Variants in EME1 observed in about 807,000 individuals in gnomAD.
The protein encoded by EME1 is structure-specific endonuclease subunit EME1.
Under a neutral mutation model 59.1 loss-of-function variants are expected in EME1, and 61 were observed. The ratio of observed to expected loss-of-function variants is 1.03; its 90% CI spans 0.84 to 1.28. EME1 has a LOEUF of 1.28. EME1 is among the 50% of genes most tolerant of loss of function. EME1 has a pLI of 0.00. For synonymous variants in EME1, 230 were observed against 254.2 expected (o/e 0.90, Z 0.90); for missense variants, 635 against 682.6 (o/e 0.93, Z 0.78).
At position 50,380,325 on chromosome 17, in the gene EME1, G is replaced by C. The variant is rs139232217; in HGVS notation, c.1360G>C (p.Glu454Gln). 2.4e-5 allele frequency: 38 copies of C among 1,609,574 alleles called. No individual in the cohort carries two copies. The highest frequency in any genetic ancestry group is 3.1e-5 in the Non-Finnish European group (37 of 1,177,870). ...ACGCTGTTGCAGGAAGCTCCGAGAT[G>C]AAACTACCTTCTCCTTCTGTCTGGA... is the stretch of plus-strand genomic sequence containing the variant. ...AEAPFKKLRD[E>Q]TTFSFCLESD... Residue 454 changes from glutamate (E) to glutamine (Q), a missense_variant, in exon 8 of 9, where the codon GAA becomes CAA. Glu to Gln is a conservative substitution (Grantham distance 29). Transcript: ENST00000338165.
In EME1 at chr17:50,380,359, G is replaced by A; in HGVS notation, c.1394G>A (p.Trp465Ter). The change falls in exon 8 of 9, where the codon TGG (tryptophan) becomes TAG (stop). Residue 465 changes from tryptophan to a stop codon, truncating the protein, a stop_gained. Coordinates refer to ENST00000338165, the MANE Select transcript of EME1 (RefSeq NM_152463.4). LOFTEE classifies it high-confidence loss of function. ...TTCTCCTTCTGTCTGGAGAGTGACT[G>A]GGCTGGAGGGGTGAAGGTGGACCTT... ...TTFSFCLESDWAGGVKVDLAG... is the reference protein window; with the variant it reads ...TTFSFCLESD 6.2e-7 allele frequency: 1 copy of A among 1,613,774 alleles called. No individual in the cohort carries two copies. Among genetic ancestry groups the A allele is most frequent in the East Asian group, 2.2e-5 (1 of 44,868 alleles).
At position 50,379,102 on chromosome 17, in the gene EME1, A is replaced by T. The variant is rs777382961; in HGVS notation, c.1113-5A>T. The T allele has an allele frequency of 1.2e-6, 2 of 1,614,086 alleles. No individual in the cohort carries two copies. On this transcript the variant is annotated splice_region_variant and splice_polypyrimidine_tract_variant and intron_variant, in intron 5 of 8. Transcript: ENST00000338165. Reference sequence around the variant, plus strand: ...GCTGTTCTTTGATTTCCTCCCCTGCACCAGTGCTCAGAATCCTCCAAGAAG... The same window carrying T: ...GCTGTTCTTTGATTTCCTCCCCTGCTCCAGTGCTCAGAATCCTCCAAGAAG...
At chr17:50,374,541 T>C (rs1306122877) in intron 1 of EME1, among the ~76,000 whole-genome samples, 2 of 152,058 alleles carry the variant, frequency 1.3e-5, no homozygotes, top group African/African-American at 4.8e-5. Context: ...GCCCAGCCTA[T>C]ATCTCAATTT....
At chr17:50,374,199 GGAT>G (rs747197248) in intron 1 of EME1, among the ~76,000 whole-genome samples, 10 of 152,078 alleles carry the variant, frequency 6.6e-5, no homozygotes, top group Non-Finnish European at 1.0e-4. Context: ...ACTTTTAAAA[GGAT>G]ATTATGCTGT....
At chr17:50,376,832 C>T (rs1913497327) in intron 3 of EME1, among the ~76,000 whole-genome samples, 1 of 152,198 alleles carries the variant, frequency 6.6e-6, no homozygotes, top group African/African-American at 2.4e-5. Flanking sequence ...CCCACTAGTC[C>T]TCTCCTCGGG....
intron 6 of EME1, 75 bp from the exon 7 acceptor site, chr17:50,379,377 T>A (rs1567817218): frequency 6.3e-6 from 10 of 1,588,298 alleles, no homozygotes; most frequent in Non-Finnish European, 8.6e-6. Flanking sequence ...GGCTGGGGTG[T>A]GGCTTTAGTG....
chr17:50,374,303 T>A (rs1913330184), intron 1 of EME1, among the ~76,000 whole-genome samples: 1 of 152,154 alleles, frequency 6.6e-6, no homozygotes, highest in African/African-American at 2.4e-5. Flanking sequence ...AGTCGTACAA[T>A]CACAGCTCAC....
chr17:50,378,746 T>G, intron 4 of EME1, 28 bp from the exon 5 acceptor site: 1 of 1,614,158 alleles, frequency 6.2e-7, no homozygotes, highest in Non-Finnish European at 8.5e-7. Flanking sequence ...GAAGCAAGTA[T>G]TAATGCAGTT....
chr17:50,374,084 A>C (rs1281938549), intron 1 of EME1, among the ~76,000 whole-genome samples: 2 of 152,174 alleles, frequency 1.3e-5, no homozygotes, highest in African/African-American at 2.4e-5. Flanking sequence ...GGAGGGAGGG[A>C]AAGGACAGTG....
chr17:50,373,247 G>T lies in EME1; in HGVS notation c.-55G>T. 1 of 1,597,342 alleles carries T rather than the reference G, an allele frequency of 6.3e-7. No homozygotes were observed. Among genetic ancestry groups the T allele is most frequent in the Non-Finnish European group, 8.5e-7 (1 of 1,170,922 alleles). On this transcript the variant is annotated 5_prime_UTR_variant, in exon 1 of 9. Transcript: ENST00000338165. ...GAGATCTACTTCCGGGCCCTGCGTG[G>T]CAGTTGAAAGAGTGGCGGGAGAAGT...
At chr17:50,376,973 C>G (rs1913505235) in intron 3 of EME1, among the ~76,000 whole-genome samples, 1 of 152,170 alleles carries the variant, frequency 6.6e-6, no homozygotes, top group African/African-American at 2.4e-5. Flanking sequence ...TGGTCTTCAA[C>G]TCCTGAGCTC....
chr17:50,380,645 T>C, intron 8 of EME1, 118 bp from the exon 9 acceptor site: 4 of 1,541,870 alleles, frequency 2.6e-6, no homozygotes, highest in East Asian at 2.3e-5. Flanking sequence ...TTGCTAATGC[T>C]GACCCAGGGA....
chr17:50,377,261 T>G (rs1303289543), intron 3 of EME1, among the ~76,000 whole-genome samples: 1 of 152,124 alleles, frequency 6.6e-6, no homozygotes. Context: ...CTCTTGTGTT[T>G]CCATCAGTCA....
chr17:50,379,255 G>A lies in EME1; in HGVS notation c.1230+31G>A, dbSNP rs558915362. 20 of 1,613,188 alleles carry A rather than the reference G, an allele frequency of 1.2e-5. No individual in the cohort carries two copies. In the African/African-American group the frequency reaches 1.6e-4, roughly 13 times the overall value. On this transcript the variant is annotated intron_variant, in intron 6 of 8. Transcript: ENST00000338165. The stretch of plus-strand genomic sequence containing the variant: ...AACGTCCTGTTGCCTGAATCGGGCT[G>A]GGTACTCACTGGTCACCTGAGACTT...
In EME1 at chr17:50,380,516, G is replaced by C. The variant is rs1175163845; in HGVS notation, c.1536+15G>C. The C allele has an allele frequency of 6.2e-7, 1 of 1,610,692 alleles. No individual in the cohort carries two copies. The highest frequency in any genetic ancestry group is 1.3e-5 in the African/African-American group (1 of 74,966). On this transcript the variant is annotated intron_variant, in intron 8 of 8. Transcript: ENST00000338165. ...TCCTGGTACAGGTATGCTGCTCCAG[G>C]GCTCAGGGGTCACTGCCCATTGCCT...
intron 8 of EME1, 28 bp downstream of exon 8, chr17:50,380,529 C>T: frequency 6.2e-7 from 1 of 1,607,634 alleles, no homozygotes; most frequent in Non-Finnish European, 8.5e-7. Context: ...TCAGGGGTCA[C>T]TGCCCATTGC....
intron 1 of EME1, 38 bp downstream of exon 1, chr17:50,373,315 G>T: frequency 8.9e-7 from 1 of 1,129,154 alleles, no homozygotes; most frequent in Non-Finnish European, 1.3e-6. Flanking sequence ...GATTGGGCAG[G>T]GCTTCCCTCC....
intron 8 of EME1, 44 bp from the exon 9 acceptor site, chr17:50,380,719 C>T: frequency 6.2e-7 from 1 of 1,610,292 alleles, no homozygotes; most frequent in Non-Finnish European, 8.5e-7. Flanking sequence ...GAGAAGGGAT[C>T]ACCATGGATG....
At position 50,380,338 on chromosome 17, in the gene EME1, C is replaced by A. The variant is rs766087781; in HGVS notation, c.1373C>A (p.Ser458Tyr). The change falls in exon 8 of 9, where the codon TCC becomes TAC. Residue 458 changes from serine to tyrosine, a missense_variant. Coordinates refer to ENST00000338165, the MANE Select transcript of EME1 (RefSeq NM_152463.4). Reference sequence around the variant, plus strand: ...AAGCTCCGAGATGAAACTACCTTCTCCTTCTGTCTGGAGAGTGACTGGGCT... The same window carrying A: ...AAGCTCCGAGATGAAACTACCTTCTACTTCTGTCTGGAGAGTGACTGGGCT... ...FKKLRDETTF[S>Y]FCLESDWAGG... 6.2e-6 allele frequency: 10 copies of A among 1,612,324 alleles called. No homozygotes were observed. The South Asian group carries it at 1.1e-4, about 18-fold the overall frequency.
Sources: allele counts gnomAD v4.1 joint callset (sites outside exome capture counted in the v4.1 genomes callset), GRCh38; gene constraint gnomAD v4.1.1; transcripts MANE v1.5; gene names NCBI Gene and HGNC (gene_info 2026-07-23, HGNC 2026-07-21).